Variants in CCSER1 observed in about 807,000 individuals in gnomAD.
CCSER1 encodes coiled-coil serine rich protein 1.
In CCSER1, 41 loss-of-function variants were observed where a neutral mutation model predicts 82.0. The ratio of observed to expected loss-of-function variants is 0.50; its 90% CI spans 0.39 to 0.65. The LOEUF (loss-of-function observed/expected upper bound fraction) is 0.65, where lower values mean the gene tolerates loss of function less well. Ranked by LOEUF, CCSER1 falls within the 30% of genes least tolerant of loss-of-function variation. The pLI, the probability that CCSER1 is intolerant of heterozygous loss-of-function variation, is 0.00. For missense variants in CCSER1, 1,119 were observed against 1,064.2 expected, an observed-to-expected ratio of 1.05 and a Z score of -0.72; for synonymous variants, 414 against 383.9, an observed-to-expected ratio of 1.08 and a Z score of -0.92.
chr4:91,594,691 C>G (rs997409594), intron 10 of CCSER1, among the ~76,000 whole-genome samples: 5 of 151,918 alleles, frequency 3.3e-5, no homozygotes, highest in African/African-American at 7.2e-5. Flanking sequence ...AGAGTTTCTT[C>G]AAGATCTAAA....
At chr4:91,072,422 G>T (rs1427056805) in intron 9 of CCSER1, among the ~76,000 whole-genome samples, 1 of 151,928 alleles carries the variant, frequency 6.6e-6, no homozygotes, top group Non-Finnish European at 1.5e-5. Context: ...AAATCTAAAT[G>T]AATTCAAAAC....
chr4:90,479,529 C>G (rs1765603031), intron 5 of CCSER1, among the ~76,000 whole-genome samples: 2 of 151,958 alleles, frequency 1.3e-5, no homozygotes, highest in Non-Finnish European at 2.9e-5. Context: ...CTCCCCGCTC[C>G]CCCCACCCCA....
At position 90,308,815 on chromosome 4, in the gene CCSER1, A is replaced by G. The variant is rs766678804; in HGVS notation, c.531A>G (p.Thr177=). Reference sequence around the variant, plus strand: ...CTCGTCGTTCTGTTAAGCAGTCAACAAGGAAGCTACTCCCTAAATCTTTTT... The same window carrying G: ...CTCGTCGTTCTGTTAAGCAGTCAACGAGGAAGCTACTCCCTAAATCTTTTT... ...DQTRRSVKQS[T]RKLLPKSFSS... Residue 177 remains threonine (T), a synonymous_variant, in exon 2 of 11, where the codon ACA becomes ACG. Coordinates refer to ENST00000509176, the MANE Select transcript of CCSER1 (RefSeq NM_001145065.2). 6.2e-7 allele frequency: 1 copy of G among 1,613,788 alleles called. No individual in the cohort carries two copies. The highest frequency in any genetic ancestry group is 1.7e-5 in the Admixed American group (1 of 59,938).
At chr4:91,194,261 T>G (rs1317443437) in intron 10 of CCSER1, among the ~76,000 whole-genome samples, 1 of 152,194 alleles carries the variant, frequency 6.6e-6, no homozygotes, top group Non-Finnish European at 1.5e-5. Context: ...CTGGACCCTA[T>G]TCTTATTTTA....
chr4:90,501,698 T>G (rs1238110286), intron 5 of CCSER1, among the ~76,000 whole-genome samples: 2 of 152,198 alleles, frequency 1.3e-5, no homozygotes, highest in Non-Finnish European at 2.9e-5. Flanking sequence ...ACTATGTTGT[T>G]GTGGAAAACA....
intron 5 of CCSER1, among the ~76,000 whole-genome samples, chr4:90,574,424 G>A (rs567153109): frequency 2.0e-5 from 3 of 150,286 alleles, no homozygotes; most frequent in Non-Finnish European, 3.0e-5. Flanking sequence ...GCCCGCCACC[G>A]CGCCCGGCTA....
intron 9 of CCSER1, among the ~76,000 whole-genome samples, chr4:91,042,509 C>CA (rs1742053781): frequency 6.6e-6 from 1 of 152,030 alleles, no homozygotes; most frequent in Admixed American, 6.6e-5. Context: ...TGTATGTCTC[C>CA]TTATTTAGTT....
At chr4:90,925,032 A>T (rs1036311398) in intron 9 of CCSER1, among the ~76,000 whole-genome samples, 1 of 152,102 alleles carries the variant, frequency 6.6e-6, no homozygotes, top group African/African-American at 2.4e-5. Context: ...CTGCCTAAAA[A>T]TTTTTTAATG....
chr4:90,150,478 T>C lies in CCSER1; in HGVS notation c.-42+22647T>C, dbSNP rs1726626634. Among the ~76,000 whole-genome samples the C allele has an allele frequency of 2.6e-5, 4 of 152,134 alleles. No individual in the cohort carries two copies. In the South Asian group the frequency reaches 8.3e-4, roughly 31 times the overall value. ...TGCTGCTTTAAGTATAAGAGATGCA[T>C]GACTTGTGACCACTGTGTATGTGTA... On this transcript the variant is annotated intron_variant, in intron 1 of 10. Coordinates refer to ENST00000509176, the MANE Select transcript of CCSER1 (RefSeq NM_001145065.2).
chr4:90,823,851 T>C (rs1760094170), intron 8 of CCSER1, among the ~76,000 whole-genome samples: 1 of 151,998 alleles, frequency 6.6e-6, no homozygotes, highest in Non-Finnish European at 1.5e-5. Context: ...TTCTGCAGAC[T>C]CTTTTTTTAT....
chr4:91,098,210 T>C (rs927811743), intron 10 of CCSER1, among the ~76,000 whole-genome samples: 1 of 152,224 alleles, frequency 6.6e-6, no homozygotes, highest in African/African-American at 2.4e-5. Flanking sequence ...GATAGTGGAC[T>C]TTATGCCTTT....
At chr4:91,134,975 G>A (rs753768993) in intron 10 of CCSER1, among the ~76,000 whole-genome samples, 33 of 151,818 alleles carry the variant, frequency 2.2e-4, no homozygotes, top group Middle Eastern at 6.8e-3. Flanking sequence ...CAGGAGAATC[G>A]CGTGAACCCA....
chr4:91,173,042 G>A (rs967456159), intron 10 of CCSER1, among the ~76,000 whole-genome samples: 1 of 152,046 alleles, frequency 6.6e-6, no homozygotes, highest in African/African-American at 2.4e-5. Context: ...TGATTAAATC[G>A]AAAGAACATC....
chr4:90,948,965 T>G (rs902404858), intron 9 of CCSER1, among the ~76,000 whole-genome samples: 3 of 152,118 alleles, frequency 2.0e-5, no homozygotes, highest in African/African-American at 7.2e-5. Flanking sequence ...TTTAATGTTA[T>G]TATAATTAGC....
chr4:90,947,780 AAGTATAATAT>A (rs1732434357), intron 9 of CCSER1, among the ~76,000 whole-genome samples: 1 of 152,130 alleles, frequency 6.6e-6, no homozygotes, highest in Non-Finnish European at 1.5e-5. Flanking sequence ...TGTAAGTGAC[AAGTATAATAT>A]CTTAAATGTG....
intron 3 of CCSER1, among the ~76,000 whole-genome samples, chr4:90,368,014 G>A (rs903523522): frequency 6.6e-6 from 1 of 151,936 alleles, no homozygotes; most frequent in African/African-American, 2.4e-5. Context: ...GTTAGGTTCT[G>A]AAATTCAATA....
At chr4:91,023,371 A>C (rs749032284) in intron 9 of CCSER1, among the ~76,000 whole-genome samples, 66 of 152,324 alleles carry the variant, frequency 4.3e-4, no homozygotes, top group Non-Finnish European at 8.1e-4. Flanking sequence ...CCAAAAGAAC[A>C]AAGCTGGAGA....
At chr4:91,069,007 TTACAAAAAA>T (rs1490500550) in intron 9 of CCSER1, among the ~76,000 whole-genome samples, 9 of 151,826 alleles carry the variant, frequency 5.9e-5, no homozygotes, top group Admixed American at 3.9e-4. Flanking sequence ...AATCCTGTCT[TTACAAAAAA>T]TACAAAAATT....
intron 1 of CCSER1, among the ~76,000 whole-genome samples, chr4:90,244,456 C>T (rs1248909880): frequency 1.3e-5 from 2 of 152,034 alleles, no homozygotes; most frequent in Non-Finnish European, 2.9e-5. Context: ...CTAGAAAGAC[C>T]TATGTATTAG....
Sources: gnomAD v4.1 joint callset for allele counts (sites outside exome capture counted in the v4.1 genomes callset) on GRCh38, gnomAD v4.1.1 for gene constraint, MANE v1.5 for transcripts, NCBI Gene and HGNC (gene_info 2026-07-23, HGNC 2026-07-21) for gene names.